The following UNC5A variants were observed in gnomAD, a reference collection of about 807,000 sequenced individuals.
UNC5A encodes unc-5 netrin receptor A, also known as netrin receptor UNC5A.
A neutral mutation model predicts 87.4 loss-of-function variants in UNC5A; 20 were observed. The observed-to-expected ratio is 0.23, with a 90% CI of 0.16 to 0.33. UNC5A has a LOEUF of 0.33. UNC5A is among the 10% of genes least tolerant of loss of function. The probability of loss-of-function intolerance (pLI) is 1.00; values close to 1 mark genes in which losing one functional copy is unlikely to be tolerated. For missense variants in UNC5A, 844 were observed against 1,133.4 expected (o/e 0.74, Z 3.67); for synonymous variants, 438 against 482.3 (o/e 0.91, Z 1.20).
chr5:176,820,461 C>T (rs982641937), intron 1 of UNC5A, among the ~76,000 whole-genome samples: 5 of 152,162 alleles, frequency 3.3e-5, no homozygotes, highest in African/African-American at 9.7e-5. Context: ...GCAGGTTTTG[C>T]CTGCCCTTCA....
rs117043247 is a variant in UNC5A at position 176,827,807 on chromosome 5, T to C, written c.70+16987T>C. 1.3e-3 allele frequency among the ~76,000 whole-genome samples: 194 copies of C among 152,364 alleles called. 3 individuals carry two copies. The East Asian group carries it at 0.033, about 26-fold the overall frequency. ...CAGTTTCTCCATGTCCTGATTCTTA[T>C]ATTTGAAGTGTTAAATTCTTGCAAA... On this transcript the variant is annotated intron_variant, in intron 1 of 14. Transcript: ENST00000329542.
Position 176,819,289 on chromosome 5 carries a change from C to T in UNC5A, c.70+8469C>T, listed in dbSNP as rs73340040. 4.0e-3 allele frequency among the ~76,000 whole-genome samples: 611 copies of T among 152,298 alleles called. 3 individuals are homozygous for T. The highest frequency in any genetic ancestry group is 0.014 in the African/African-American group (567 of 41,538). Reference sequence around the variant, plus strand: ...CCTGGGAGCTCACCACACTGTGCCACAATGCCCCAGCTTGAAGTGACATGG... The same window carrying T: ...CCTGGGAGCTCACCACACTGTGCCATAATGCCCCAGCTTGAAGTGACATGG... On this transcript the variant is annotated intron_variant, in intron 1 of 14. Transcript: ENST00000329542.
At chr5:176,867,623 C>T (rs1758005138) in intron 2 of UNC5A, among the ~76,000 whole-genome samples, 1 of 152,212 alleles carries the variant, frequency 6.6e-6, no homozygotes, top group Non-Finnish European at 1.5e-5. Flanking sequence ...TACATAATCA[C>T]TGCAATTATA....
intron 1 of UNC5A, among the ~76,000 whole-genome samples, chr5:176,840,197 T>C (rs1757242723): frequency 6.6e-6 from 1 of 152,162 alleles, no homozygotes; most frequent in African/African-American, 2.4e-5. Context: ...CTTGCTGGCG[T>C]TGGCCCAGGT....
intron 1 of UNC5A, among the ~76,000 whole-genome samples, chr5:176,846,264 A>G (rs1052989793): frequency 1.3e-5 from 2 of 151,896 alleles, no homozygotes; most frequent in African/African-American, 4.8e-5. Context: ...AGCCAAAAGG[A>G]GCATTGGAAC....
chr5:176,835,246 C>A (rs1325852911), intron 1 of UNC5A, among the ~76,000 whole-genome samples: 1 of 152,246 alleles, frequency 6.6e-6, no homozygotes, highest in Non-Finnish European at 1.5e-5. Context: ...GAGATATATG[C>A]CCATGGGTGA....
chr5:176,846,711 G>C (rs1386358236), intron 1 of UNC5A, among the ~76,000 whole-genome samples: 2 of 152,158 alleles, frequency 1.3e-5, no homozygotes, highest in Non-Finnish European at 2.9e-5. Flanking sequence ...GCCTGGTTTC[G>C]ACCTGCTTGG....
chr5:176,829,186 ATGGATGGATGGATGGATGGT>A (rs1304718125), intron 1 of UNC5A, among the ~76,000 whole-genome samples: 894 of 24,376 alleles, frequency 0.037, 52 homozygotes, highest in Middle Eastern at 0.083. Flanking sequence ...GGATGGATGG[ATGGATGGATGGATGGATGGT>A]TGGATGGATG....
At chr5:176,879,230 G>A (rs1031061655) in intron 13 of UNC5A, 80 bp from the exon 14 acceptor site, 12 of 1,476,534 alleles carry the variant, frequency 8.1e-6, no homozygotes, top group Non-Finnish European at 1.1e-5. Context: ...GGGAGTCTGG[G>A]AGCTCCCCCA....
At chr5:176,815,247 G>A (rs757299828) in intron 1 of UNC5A, among the ~76,000 whole-genome samples, 1 of 152,224 alleles carries the variant, frequency 6.6e-6, no homozygotes, top group Non-Finnish European at 1.5e-5. Flanking sequence ...CCTGGTTCCT[G>A]AGGCTGAGCC....
At position 176,869,594 on chromosome 5, in the gene UNC5A, G is replaced by A; in HGVS notation, c.721+630G>A. 1 of 696,360 alleles carries A rather than the reference G, an allele frequency of 1.4e-6. No individual in the cohort carries two copies. The highest frequency in any genetic ancestry group is 2.6e-6 in the Non-Finnish European group (1 of 381,834). The allele number at this position is 696,360 out of a possible 1,614,324, so 43.1% of individuals were successfully genotyped here. ...AGGACGCCCCCGCTCCCTGACCCCA[G>A]TCCTTCTCTGTCCGGCCAGTGAACG... On this transcript the variant is annotated intron_variant, in intron 5 of 14. Coordinates refer to ENST00000329542, the MANE Select transcript of UNC5A (RefSeq NM_133369.3). The surrounding 1 kb of genome is among the most constrained non-coding windows in gnomAD (Gnocchi z 9.1).
rs1239041619 is a variant in UNC5A, at chr5:176,829,190, ATGGATGGATGGATGGT to A, written c.70+18382_70+18397del. The stretch of plus-strand genomic sequence containing the variant: ...GATGGATGGATGGATGGATGGATGG[ATGGATGGATGGATGGT>A]TGGATGGATGGGTGGATGTATGAAA... On this transcript the variant is annotated intron_variant, in intron 1 of 14. Coordinates refer to ENST00000329542, the MANE Select transcript of UNC5A (RefSeq NM_133369.3). Among the ~76,000 whole-genome samples the A allele has an allele frequency of 4.4e-3, 90 of 20,324 alleles. 4 individuals carry two copies. Among genetic ancestry groups the A allele is most frequent in the Middle Eastern group, 0.091 (2 of 22 alleles). 13.3% of individuals were successfully genotyped at this position (20,324 alleles called of 152,430 possible). A position where few individuals can be genotyped will look rare whatever the true frequency, so the allele number is the denominator to read the frequency against.
At position 176,810,925 on chromosome 5, in the gene UNC5A, GC is replaced by G. The variant is rs1361803877; in HGVS notation, c.70+111del. 6 of 1,014,282 alleles carry G rather than the reference GC, an allele frequency of 5.9e-6. No homozygotes were observed. In the African/African-American group the frequency reaches 6.9e-5, roughly 12 times the overall value. The allele number at this position is 1,014,282 out of a possible 1,614,324, so 62.8% of individuals were successfully genotyped here. On this transcript the variant is annotated intron_variant, in intron 1 of 14. Coordinates refer to ENST00000329542, the MANE Select transcript of UNC5A (RefSeq NM_133369.3). This position sits in a 1 kb window ranked among gnomAD's most constrained non-coding sequence, Gnocchi z 7.3. ...CCAGCGCTGCCAGACCCGGCTGGGA[GC>G]CCCCCGAGGCCAAACTTTGCGAGGC... is the stretch of plus-strand genomic sequence containing the variant.
At position 176,879,702 on chromosome 5, in the gene UNC5A, G is replaced by GC. The variant is rs751011505; in HGVS notation, c.2364-13dup. 1 of 1,610,084 alleles carries GC rather than the reference G, an allele frequency of 6.2e-7. No homozygotes were observed. The highest frequency in any genetic ancestry group is 2.2e-5 in the East Asian group (1 of 44,820). ...CTGGGGCCAGGCCAGGCTGCTGACG[G>GC]CCCCCCTCCCCTCCACAGCCATCTC... is the stretch of plus-strand genomic sequence containing the variant. On this transcript the variant is annotated intron_variant, in intron 14 of 14. Transcript: ENST00000329542.
Position 176,868,771 on chromosome 5 carries a change from C to A in UNC5A, c.541-13C>A. 6.3e-7 allele frequency: 1 copy of A among 1,590,922 alleles called. No homozygotes were observed. Among genetic ancestry groups the A allele is most frequent in the Non-Finnish European group, 8.6e-7 (1 of 1,163,732 alleles). On this transcript the variant is annotated splice_polypyrimidine_tract_variant and intron_variant, in intron 4 of 14. Transcript: ENST00000329542. ...CATGGGCTGGCAGTACATGGCAGGG[C>A]TCCCTCCCCTAGGTGGAGTGGCTCC...
At chr5:176,839,071 C>T (rs1757207927) in intron 1 of UNC5A, among the ~76,000 whole-genome samples, 1 of 152,236 alleles carries the variant, frequency 6.6e-6, no homozygotes, top group African/African-American at 2.4e-5. Context: ...TTTGCACCTG[C>T]AGGTCTCTGC....
chr5:176,842,946 G>A (rs544358061), intron 1 of UNC5A, among the ~76,000 whole-genome samples: 27 of 152,248 alleles, frequency 1.8e-4, no homozygotes, highest in Admixed American at 1.5e-3. Flanking sequence ...TGGATCACCT[G>A]GGGTCAGGAG....
chr5:176,877,500 A>G (rs1289662730), intron 9 of UNC5A, 35 bp from the exon 10 acceptor site: 2 of 1,556,054 alleles, frequency 1.3e-6, no homozygotes, highest in Admixed American at 1.8e-5. Flanking sequence ...GGCCACTGAC[A>G]CCTTTCCCTC....
chr5:176,852,440 G>A (rs1422869098), intron 1 of UNC5A, among the ~76,000 whole-genome samples: 1 of 152,154 alleles, frequency 6.6e-6, no homozygotes, highest in Non-Finnish European at 1.5e-5. Flanking sequence ...AGGCAGGAAA[G>A]CGCCTTCCTT....
Sources: allele counts gnomAD v4.1 joint callset (sites outside exome capture counted in the v4.1 genomes callset), GRCh38; gene constraint gnomAD v4.1.1; non-coding constraint Gnocchi (gnomAD v3.1); transcripts MANE v1.5; gene names NCBI Gene and HGNC (gene_info 2026-07-23, HGNC 2026-07-21).